ARHGEF33: variants seen among roughly 807,000 people sequenced by gnomAD.
ARHGEF33 encodes the protein Rho guanine nucleotide exchange factor 33.
ARHGEF33 carries 72 observed loss-of-function variants against 101.9 expected under a neutral mutation model. The ratio of observed to expected loss-of-function variants is 0.71; its 90% confidence interval spans 0.58 to 0.86. The LOEUF (loss-of-function observed/expected upper bound fraction) is 0.86, where lower values mean the gene tolerates loss of function less well. Ranked by LOEUF, ARHGEF33 falls within the 40% of genes least tolerant of loss-of-function variation. The probability of loss-of-function intolerance (pLI) is 0.00; values close to 1 mark genes in which losing one functional copy is unlikely to be tolerated. For missense variants in ARHGEF33, 1,169 were observed against 1,111.3 expected (o/e 1.05, Z -0.74); for synonymous variants, 499 against 442.5 (o/e 1.13, Z -1.60).
At chr2:38,931,624 G>A (rs1253055605) in intron 7 of ARHGEF33, among the ~76,000 whole-genome samples, 2 of 152,070 alleles carry the variant, frequency 1.3e-5, no homozygotes, top group Non-Finnish European at 2.9e-5. Flanking sequence ...TCTTTCTCTG[G>A]AAAACCAGAG....
At chr2:38,921,133 G>A (rs1243907216) in intron 3 of ARHGEF33, among the ~76,000 whole-genome samples, 1 of 152,182 alleles carries the variant, frequency 6.6e-6, no homozygotes, top group Admixed American at 6.5e-5. Flanking sequence ...CTTCCCTACT[G>A]TAGTAGAACG....
intron 10 of ARHGEF33, among the ~76,000 whole-genome samples, chr2:38,946,454 A>T (rs1036575931): frequency 2.0e-5 from 3 of 152,190 alleles, no homozygotes; most frequent in Non-Finnish European, 4.4e-5. Context: ...GCATGGACCA[A>T]GCAGAGAAAA....
intron 10 of ARHGEF33, among the ~76,000 whole-genome samples, chr2:38,947,046 C>T (rs1016212131): frequency 2.0e-5 from 3 of 152,192 alleles, no homozygotes; most frequent in African/African-American, 7.2e-5. Context: ...CATTTACTAT[C>T]GGCATTTTTC....
chr2:38,891,515 T>A (rs1228153645), intron 1 of ARHGEF33, among the ~76,000 whole-genome samples: 1 of 151,966 alleles, frequency 6.6e-6, no homozygotes, highest in Non-Finnish European at 1.5e-5. Flanking sequence ...AAAAGTAAAA[T>A]CACACAAAAT....
chr2:38,958,027 C>CTGTT lies in ARHGEF33; in HGVS notation c.1371-6_1371-3dup. 1 of 1,552,230 alleles carries CTGTT rather than the reference C, an allele frequency of 6.4e-7. No individual in the cohort carries two copies. Among genetic ancestry groups the CTGTT allele is most frequent in the Non-Finnish European group, 8.7e-7 (1 of 1,147,110 alleles). ...CAACCTGAGAACTGTTATTTCCATT[C>CTGTT]TGTTAGGTCATCCATGGCGAAGCTG... On this transcript the variant is annotated splice_region_variant and splice_polypyrimidine_tract_variant and intron_variant, in intron 14 of 17. Transcript: ENST00000409978.
intron 2 of ARHGEF33, among the ~76,000 whole-genome samples, chr2:38,911,237 A>G (rs1414353380): frequency 6.6e-6 from 1 of 152,198 alleles, no homozygotes; most frequent in East Asian, 1.9e-4. Flanking sequence ...GAAAATGTCT[A>G]CAGGATTTGT....
intron 7 of ARHGEF33, among the ~76,000 whole-genome samples, chr2:38,933,565 G>A (rs1236168929): frequency 3.9e-5 from 6 of 152,042 alleles, no homozygotes; most frequent in African/African-American, 1.4e-4. Context: ...TGTATTTTTA[G>A]TAGAGACACG....
chr2:38,918,556 C>T (rs1666686206), intron 2 of ARHGEF33, among the ~76,000 whole-genome samples: 1 of 152,160 alleles, frequency 6.6e-6, no homozygotes. Flanking sequence ...GTGTGTTAGG[C>T]TGCATTCTGA....
chr2:38,974,827 T>C lies in ARHGEF33; in HGVS notation c.*984T>C, dbSNP rs746837650. 10 of 152,194 alleles carry C rather than the reference T, an allele frequency of 6.6e-5. No individual in the cohort carries two copies. Among genetic ancestry groups the C allele is most frequent in the Non-Finnish European group, 1.5e-4 (10 of 68,028 alleles). 9.4% of individuals were successfully genotyped at this position (152,194 alleles called of 1,614,324 possible). ...ATTCAGGATTGCAGCACTTGACTGT[T>C]TTCCTATTTTGTAAAGAAACCAAGC... On this transcript the variant is annotated 3_prime_UTR_variant, in exon 18 of 18. Transcript: ENST00000409978.
At chr2:38,959,812 C>G (rs1401101685) in intron 15 of ARHGEF33, 29 bp from the exon 16 acceptor site, 1 of 1,509,536 alleles carries the variant, frequency 6.6e-7, no homozygotes, top group Non-Finnish European at 8.9e-7. Flanking sequence ...GTAAGCACAG[C>G]TCTTTTGTAC....
At chr2:38,891,641 CT>C (rs1359908368) in intron 1 of ARHGEF33, among the ~76,000 whole-genome samples, 2 of 152,188 alleles carry the variant, frequency 1.3e-5, no homozygotes, top group African/African-American at 4.8e-5. Context: ...CAATATTTCT[CT>C]TTGTTTGGAT....
intron 2 of ARHGEF33, among the ~76,000 whole-genome samples, chr2:38,900,261 A>T (rs1666210908): frequency 6.6e-6 from 1 of 152,186 alleles, no homozygotes; most frequent in South Asian, 2.1e-4. Context: ...AAATACCAAT[A>T]ATGCAGTTTG....
chr2:38,966,195 T>C (rs111240091), intron 17 of ARHGEF33, 50 bp downstream of exon 17: 1 of 1,534,428 alleles, frequency 6.5e-7, no homozygotes, highest in Non-Finnish European at 8.8e-7. Flanking sequence ...CCCTTTGGGC[T>C]AAATCTTGAG....
intron 17 of ARHGEF33, among the ~76,000 whole-genome samples, chr2:38,968,565 T>C (rs1022345221): frequency 6.6e-6 from 1 of 152,234 alleles, no homozygotes; most frequent in African/African-American, 2.4e-5. Context: ...GTTGGTTAAT[T>C]GCTGTCAGTC....
intron 16 of ARHGEF33, among the ~76,000 whole-genome samples, chr2:38,961,051 C>G (rs895641718): frequency 3.3e-5 from 5 of 152,264 alleles, no homozygotes; most frequent in African/African-American, 1.2e-4. Flanking sequence ...ACGCAGGTCC[C>G]GGGCCAGTGT....
rs1381582698 is a variant in ARHGEF33 at position 38,960,046 on chromosome 2, G to A, written c.1741G>A (p.Glu581Lys). 1 of 1,544,168 alleles carries A rather than the reference G, an allele frequency of 6.5e-7. No homozygotes were observed. Among genetic ancestry groups the A allele is most frequent in the Non-Finnish European group, 8.7e-7 (1 of 1,143,216 alleles). The part of the protein sequence containing the change: ...PLQAIPEMDF[E>K]SSPAEPLGNV... ...GCAGGCCATCCCGGAGATGGACTTC[G>A]AGTCCTCTCCGGCGGAGCCGCTGGG... The change falls in exon 16 of 18, where the codon GAG becomes AAG. Residue 581 changes from glutamate (E) to lysine (K), a missense_variant. Physicochemically the swap from Glu to Lys is moderately conservative, Grantham distance 56 (BLOSUM62 1). Transcript: ENST00000409978.
Position 38,958,029 on chromosome 2 carries a change from G to A in ARHGEF33, c.1371-5G>A. On this transcript the variant is annotated splice_region_variant and splice_polypyrimidine_tract_variant and intron_variant, in intron 14 of 17. Transcript: ENST00000409978. ...ACCTGAGAACTGTTATTTCCATTCT[G>A]TTAGGTCATCCATGGCGAAGCTGTA... 6.4e-7 allele frequency: 1 copy of A among 1,552,216 alleles called. No individual in the cohort carries two copies. Among genetic ancestry groups the A allele is most frequent in the Non-Finnish European group, 8.7e-7 (1 of 1,147,118 alleles).
intron 10 of ARHGEF33, among the ~76,000 whole-genome samples, chr2:38,950,657 C>G (rs575278802): frequency 6.6e-6 from 1 of 152,196 alleles, no homozygotes; most frequent in African/African-American, 2.4e-5. Context: ...ACCATGTTGG[C>G]CAGGCTGGTC....
Position 38,954,391 on chromosome 2 carries a change from T to TACGGCGACCA in ARHGEF33, c.1156_1157insACGGCGACCA (p.Ser386TyrfsTer5). On this transcript the variant is annotated frameshift_variant, in exon 13 of 18. Transcript: ENST00000409978. LOFTEE classifies it high-confidence loss of function. ...CATTCAGGGTGATGAAGAGATTAAA[T>TACGGCGACCA]CTGACATCTACACGTTGTTTTTTCA... 1 of 1,546,640 alleles carries TACGGCGACCA rather than the reference T, an allele frequency of 6.5e-7. No homozygotes were observed. The highest frequency in any genetic ancestry group is 1.2e-5 in the South Asian group (1 of 83,742).
Sources: allele counts gnomAD v4.1 joint callset (sites outside exome capture counted in the v4.1 genomes callset), GRCh38; gene constraint gnomAD v4.1.1; transcripts MANE v1.5; gene names NCBI Gene and HGNC (gene_info 2026-07-23, HGNC 2026-07-21).